Variants in COL25A1 observed in about 807,000 individuals in gnomAD.
COL25A1 encodes collagen type XXV alpha 1 chain.
COL25A1 carries 103 observed loss-of-function variants against 128.4 expected under a neutral mutation model. That is an observed-to-expected ratio of 0.80 (90% CI 0.68 to 0.94). COL25A1 has a LOEUF of 0.94. Ranked by LOEUF, COL25A1 falls within the 40% of genes least tolerant of loss-of-function variation. COL25A1 has a pLI of 0.00. For synonymous variants in COL25A1, 279 were observed against 277.2 expected (o/e 1.01, Z -0.06); for missense variants, 745 against 840.0 (o/e 0.89, Z 1.40).
chr4:108,990,812 A>G lies in COL25A1; in HGVS notation c.439-16253T>C, dbSNP rs148486875. Among the ~76,000 whole-genome samples, 19 of 152,296 alleles carry G rather than the reference A, an allele frequency of 1.2e-4. 1 individual carries two copies. In the East Asian group the frequency reaches 3.7e-3, roughly 29 times the overall value. ...GTTAAACCAGCTATTTTCATTTTACATTGAAAAACTGAAGGAAAAAAGTTA... is the reference window on the plus strand; with the variant it reads ...GTTAAACCAGCTATTTTCATTTTACGTTGAAAAACTGAAGGAAAAAAGTTA... On this transcript the variant is annotated intron_variant, in intron 6 of 37. Coordinates refer to ENST00000399132, the MANE Select transcript of COL25A1 (RefSeq NM_198721.4).
chr4:109,182,468 T>G (rs1443765630), intron 3 of COL25A1, among the ~76,000 whole-genome samples: 1 of 152,134 alleles, frequency 6.6e-6, no homozygotes, highest in Non-Finnish European at 1.5e-5. Flanking sequence ...ATCAGCTACA[T>G]AATAGTATTT....
intron 8 of COL25A1, among the ~76,000 whole-genome samples, chr4:108,947,287 T>G (rs1280282075): frequency 6.6e-6 from 1 of 151,582 alleles, no homozygotes; most frequent in Admixed American, 6.6e-5. Context: ...ACTAAAAATA[T>G]GAAAATTAGC....
intron 5 of COL25A1, among the ~76,000 whole-genome samples, chr4:109,045,794 CATG>C (rs1458611824): frequency 6.6e-6 from 1 of 152,078 alleles, no homozygotes; most frequent in Non-Finnish European, 1.5e-5. Context: ...TATGGAAACT[CATG>C]ATTATACTTT....
At chr4:109,154,655 T>A (rs1308681258) in intron 3 of COL25A1, among the ~76,000 whole-genome samples, 1 of 152,052 alleles carries the variant, frequency 6.6e-6, no homozygotes, top group East Asian at 1.9e-4. Context: ...CTAACACGAG[T>A]GAGTCAGAAA....
At chr4:109,131,594 G>T (rs1040894384) in intron 3 of COL25A1, among the ~76,000 whole-genome samples, 4 of 152,216 alleles carry the variant, frequency 2.6e-5, no homozygotes, top group Non-Finnish European at 4.4e-5. Flanking sequence ...GGAGATGAAA[G>T]CTGTGTGATC....
At chr4:108,890,696 T>C (rs922056528) in intron 16 of COL25A1, among the ~76,000 whole-genome samples, 1 of 152,206 alleles carries the variant, frequency 6.6e-6, no homozygotes, top group Non-Finnish European at 1.5e-5. Context: ...GAGGCACATA[T>C]TGGGATTTCC....
intron 18 of COL25A1, among the ~76,000 whole-genome samples, chr4:108,884,820 A>C (rs577509848): frequency 6.6e-6 from 1 of 152,354 alleles, no homozygotes; most frequent in African/African-American, 2.4e-5. Context: ...CCTGCTTAGC[A>C]GCTTAGGGCT....
chr4:109,122,769 A>C (rs1458264194), intron 3 of COL25A1, among the ~76,000 whole-genome samples: 1 of 152,110 alleles, frequency 6.6e-6, no homozygotes. Context: ...TATAACCAAA[A>C]GTATATTTGA....
intron 3 of COL25A1, among the ~76,000 whole-genome samples, chr4:109,235,470 A>T (rs1355281742): frequency 2.0e-5 from 3 of 152,082 alleles, no homozygotes; most frequent in African/African-American, 7.2e-5. Context: ...ACAAGCAAGA[A>T]GTGAAAGCTA....
intron 31 of COL25A1, among the ~76,000 whole-genome samples, chr4:108,840,690 C>A (rs917977757): frequency 6.6e-6 from 1 of 152,148 alleles, no homozygotes; most frequent in Non-Finnish European, 1.5e-5. Flanking sequence ...GTTAGTTGCA[C>A]CAACTCACTA....
intron 3 of COL25A1, among the ~76,000 whole-genome samples, chr4:109,050,590 T>C (rs1388963082): frequency 1.3e-5 from 2 of 152,192 alleles, no homozygotes; most frequent in Non-Finnish European, 2.9e-5. Context: ...TTACAGTTTC[T>C]TTTCAGTCAG....
intron 3 of COL25A1, among the ~76,000 whole-genome samples, chr4:109,105,731 C>G (rs2126029621): frequency 6.6e-6 from 1 of 152,284 alleles, no homozygotes; most frequent in South Asian, 2.1e-4. Flanking sequence ...AGGAAGAGCT[C>G]TGGCACTTGC....
At chr4:109,116,778 G>A (rs115749067) in intron 3 of COL25A1, among the ~76,000 whole-genome samples, 4 of 151,972 alleles carry the variant, frequency 2.6e-5, no homozygotes, top group Non-Finnish European at 5.9e-5. Flanking sequence ...TGCAAGGAGA[G>A]ATGATTAATG....
intron 3 of COL25A1, among the ~76,000 whole-genome samples, chr4:109,175,917 T>A (rs1048964226): frequency 6.6e-6 from 1 of 152,250 alleles, no homozygotes; most frequent in African/African-American, 2.4e-5. Context: ...AAATGTCTTT[T>A]CCAGTAAGAG....
chr4:108,922,101 G>C lies in COL25A1; in HGVS notation c.709-1497C>G, dbSNP rs143832412. 4.6e-3 allele frequency among the ~76,000 whole-genome samples: 697 copies of C among 152,172 alleles called. 14 individuals are homozygous for C. The East Asian group carries it at 0.062, about 14-fold the overall frequency. On this transcript the variant is annotated intron_variant, in intron 11 of 37. Transcript: ENST00000399132. ...TGTCCTCAGGGATCTTTTGCAATCA[G>C]TTACCCCTAGATCTGTATCAGAGGC...
chr4:108,980,691 GA>G (rs1253284362), intron 6 of COL25A1, among the ~76,000 whole-genome samples: 3 of 152,276 alleles, frequency 2.0e-5, no homozygotes, highest in African/African-American at 7.2e-5. Context: ...CTGAATAGAG[GA>G]AACCTTTATC....
intron 4 of COL25A1, among the ~76,000 whole-genome samples, 165 bp downstream of exon 4, chr4:109,049,970 G>A (rs1427693804): frequency 1.3e-5 from 2 of 152,156 alleles, no homozygotes; most frequent in African/African-American, 4.8e-5. Flanking sequence ...ATAAGGAGAA[G>A]ATTAAAAAAT....
At chr4:109,265,426 C>T (rs1781719819) in intron 3 of COL25A1, among the ~76,000 whole-genome samples, 1 of 151,880 alleles carries the variant, frequency 6.6e-6, no homozygotes, top group Non-Finnish European at 1.5e-5. Context: ...TTAACAGTAA[C>T]ATTTTCCTTA....
chr4:109,290,855 G>T (rs996480668), intron 3 of COL25A1, among the ~76,000 whole-genome samples: 1 of 152,132 alleles, frequency 6.6e-6, no homozygotes, highest in Admixed American at 6.5e-5. Context: ...CATGCAGCCT[G>T]CAGGGACATG....
Sources: allele counts gnomAD v4.1 joint callset (sites outside exome capture counted in the v4.1 genomes callset), GRCh38; gene constraint gnomAD v4.1.1; transcripts MANE v1.5; gene names NCBI Gene and HGNC (gene_info 2026-07-23, HGNC 2026-07-21).